Variants in GTF2A1L observed in about 807,000 individuals in gnomAD.
GTF2A1L encodes the protein general transcription factor IIA subunit 1 like, also known as TFIIA-alpha and beta-like factor.
In GTF2A1L, 48 loss-of-function variants were observed where a neutral mutation model predicts 49.7. The observed-to-expected ratio is 0.97, with a 90% confidence interval of 0.77 to 1.23. The LOEUF (loss-of-function observed/expected upper bound fraction) is 1.23, where lower values mean the gene tolerates loss of function less well. Among genes scored for constraint, GTF2A1L ranks in the 50% most tolerant of loss-of-function variants. The probability of loss-of-function intolerance (pLI) is 0.00; values close to 1 mark genes in which losing one functional copy is unlikely to be tolerated. For synonymous variants in GTF2A1L, 246 were observed against 193.5 expected (o/e 1.27, Z -2.25); for missense variants, 736 against 564.8 (o/e 1.30, Z -3.07).
At chr2:48,633,683 T>A (rs1676712873) in intron 3 of GTF2A1L, among the ~76,000 whole-genome samples, 1 of 152,208 alleles carries the variant, frequency 6.6e-6, no homozygotes, top group Non-Finnish European at 1.5e-5. Flanking sequence ...TCATAATTTC[T>A]TTGTTAGTTT....
At chr2:48,624,519 A>G (rs1245483274) in intron 3 of GTF2A1L, among the ~76,000 whole-genome samples, 1 of 144,180 alleles carries the variant, frequency 6.9e-6, no homozygotes, top group Admixed American at 7.0e-5. Flanking sequence ...GCAAATTAAC[A>G]TATCTGTCAT....
At chr2:48,620,670 A>G (rs903621637) in intron 1 of GTF2A1L, among the ~76,000 whole-genome samples, 181 bp from the exon 2 acceptor site, 4 of 152,018 alleles carry the variant, frequency 2.6e-5, no homozygotes, top group Admixed American at 1.3e-4. Flanking sequence ...GCACCTACTC[A>G]GGAGGCTGAG....
intron 8 of GTF2A1L, 65 bp from the exon 9 acceptor site, chr2:48,679,270 A>G: frequency 6.4e-7 from 1 of 1,566,674 alleles, no homozygotes; most frequent in Non-Finnish European, 8.6e-7. Flanking sequence ...TTACTGTAGC[A>G]GAGAAATGCA....
chr2:48,673,097 T>G (rs1390166060), intron 8 of GTF2A1L, among the ~76,000 whole-genome samples: 6 of 152,178 alleles, frequency 3.9e-5, no homozygotes, highest in African/African-American at 1.4e-4. Flanking sequence ...TTTTCAAGAG[T>G]CATCCATGTT....
At chr2:48,632,944 T>C (rs765095147) in intron 3 of GTF2A1L, 1 of 227,512 alleles carries the variant, frequency 4.4e-6, no homozygotes, top group Non-Finnish European at 9.2e-6. Context: ...TCTGGATTCA[T>C]GTTTTTACTG....
chr2:48,619,480 A>AT (rs554702108), intron 1 of GTF2A1L, among the ~76,000 whole-genome samples: 153 of 150,190 alleles, frequency 1.0e-3, no homozygotes, highest in South Asian at 4.0e-3. Flanking sequence ...AAAAAAAAAA[A>AT]AATAATAATA....
chr2:48,668,020 T>C (rs1262177258), intron 6 of GTF2A1L, among the ~76,000 whole-genome samples: 2 of 152,158 alleles, frequency 1.3e-5, no homozygotes, highest in Non-Finnish European at 2.9e-5. Context: ...GCTGATACGA[T>C]GAAGGCTTTT....
chr2:48,669,174 A>T (rs1241572826), intron 6 of GTF2A1L, among the ~76,000 whole-genome samples: 1 of 152,162 alleles, frequency 6.6e-6, no homozygotes, highest in East Asian at 1.9e-4. Flanking sequence ...TCATTAAACA[A>T]TAACTTTTCA....
chr2:48,639,803 A>G (rs1163835727), intron 3 of GTF2A1L, among the ~76,000 whole-genome samples: 1 of 152,198 alleles, frequency 6.6e-6, no homozygotes, highest in Non-Finnish European at 1.5e-5. Context: ...TGTATCTGAC[A>G]AAGGTCTAAT....
At chr2:48,618,413 C>T (rs1255023873) in intron 1 of GTF2A1L, among the ~76,000 whole-genome samples, 4 of 152,176 alleles carry the variant, frequency 2.6e-5, no homozygotes, top group African/African-American at 4.8e-5. Context: ...CTACCTCTAA[C>T]GGACACTTAA....
chr2:48,657,020 G>A (rs1388890933), intron 6 of GTF2A1L, among the ~76,000 whole-genome samples: 2 of 152,118 alleles, frequency 1.3e-5, no homozygotes, highest in African/African-American at 4.8e-5. Context: ...GTTTGTTGCT[G>A]GGATCTTTAT....
chr2:48,618,038 C>T, intron 1 of GTF2A1L, 143 bp downstream of exon 1: 1 of 854,952 alleles, frequency 1.2e-6, no homozygotes, highest in Non-Finnish European at 1.8e-6. Flanking sequence ...TGGGGCTCTT[C>T]TTCACGTCTG....
chr2:48,631,275 G>T (rs925845947), intron 3 of GTF2A1L, among the ~76,000 whole-genome samples: 2 of 152,000 alleles, frequency 1.3e-5, no homozygotes, highest in Non-Finnish European at 2.9e-5. Context: ...TGGGTGGTAG[G>T]TTTTTTATTA....
chr2:48,678,193 G>A (rs561209240), intron 8 of GTF2A1L, among the ~76,000 whole-genome samples: 3 of 151,854 alleles, frequency 2.0e-5, no homozygotes, highest in Admixed American at 6.6e-5. Context: ...AAAAAATATA[G>A]TCACTAGATA....
chr2:48,659,854 A>G (rs1678387872), intron 6 of GTF2A1L, among the ~76,000 whole-genome samples: 1 of 152,014 alleles, frequency 6.6e-6, no homozygotes. Flanking sequence ...ATTTTTCCTA[A>G]CAGTTTGTTT....
At chr2:48,654,599 G>A (rs1158506809) in intron 6 of GTF2A1L, among the ~76,000 whole-genome samples, 1 of 152,160 alleles carries the variant, frequency 6.6e-6, no homozygotes, top group East Asian at 1.9e-4. Context: ...GGTCAGGCTG[G>A]CCTTGACCTC....
chr2:48,629,338 A>G (rs1676457179), intron 3 of GTF2A1L, among the ~76,000 whole-genome samples: 1 of 144,552 alleles, frequency 6.9e-6, no homozygotes, highest in Admixed American at 7.0e-5. Flanking sequence ...GAGGGAAGGC[A>G]AGGGTTTAAA....
intron 6 of GTF2A1L, among the ~76,000 whole-genome samples, chr2:48,666,308 C>T (rs1313201992): frequency 1.3e-5 from 2 of 152,016 alleles, no homozygotes; most frequent in South Asian, 4.1e-4. Context: ...CAGGTTCAAG[C>T]ATTTCACCTG....
At chr2:48,659,685 C>T (rs550330803) in intron 6 of GTF2A1L, among the ~76,000 whole-genome samples, 1 of 151,898 alleles carries the variant, frequency 6.6e-6, no homozygotes, top group Non-Finnish European at 1.5e-5. Flanking sequence ...AGTCTTTTGC[C>T]TCTGTGGTTC....
Sources: allele counts gnomAD v4.1 joint callset (sites outside exome capture counted in the v4.1 genomes callset), GRCh38; gene constraint gnomAD v4.1.1; transcripts MANE v1.5; gene names NCBI Gene and HGNC (gene_info 2026-07-23, HGNC 2026-07-21).